SH3BGRL: variants seen among roughly 807,000 people sequenced by gnomAD.
SH3BGRL encodes the protein SH3 domain binding glutamate rich protein like.
In SH3BGRL, 7 loss-of-function variants were observed where a neutral mutation model predicts 9.8. The observed-to-expected ratio is 0.72, with a 90% CI of 0.41 to 1.35. The LOEUF (loss-of-function observed/expected upper bound fraction) is 1.35, where lower values mean the gene tolerates loss of function less well. Ranked by LOEUF, SH3BGRL falls within the 40% of genes most tolerant of loss-of-function variation. The pLI is 0.01. For synonymous variants in SH3BGRL, 36 were observed against 29.1 expected, an observed-to-expected ratio of 1.24 and a Z score of -0.76; for missense variants, 73 against 84.4, an observed-to-expected ratio of 0.86 and a Z score of 0.53.
In SH3BGRL at chrX:81,227,474, C is replaced by G. The variant is rs892000284; in HGVS notation, c.45+25229C>G. ...GGGGCCTGTCTCATCACTTGGAAAACCTTAGAGTTCAAGTCTGTGCGAAGA... is the reference window on the plus strand; with the variant it reads ...GGGGCCTGTCTCATCACTTGGAAAAGCTTAGAGTTCAAGTCTGTGCGAAGA... On this transcript the variant is annotated intron_variant, in intron 1 of 3. Coordinates refer to ENST00000373212, the MANE Select transcript of SH3BGRL (RefSeq NM_003022.3). Among the ~76,000 whole-genome samples, 9 of 111,653 alleles carry G rather than the reference C, an allele frequency of 8.1e-5. 1 individual carries two copies. Among genetic ancestry groups the G allele is most frequent in the Non-Finnish European group, 1.7e-4 (9 of 53,168 alleles).
intron 1 of SH3BGRL, among the ~76,000 whole-genome samples, chrX:81,276,221 T>C (rs184713213): frequency 3.6e-5 from 4 of 109,980 alleles, no homozygotes; most frequent in African/African-American, 1.3e-4. Context: ...CAAAGCTCTC[T>C]TCTAGCTATG....
chrX:81,263,122 A>C (rs1419638170), intron 1 of SH3BGRL, among the ~76,000 whole-genome samples: 4 of 111,440 alleles, frequency 3.6e-5, no homozygotes, highest in Non-Finnish European at 5.7e-5. Context: ...TTAGAATGGC[A>C]TCAGTGGAGA....
intron 3 of SH3BGRL, among the ~76,000 whole-genome samples, chrX:81,286,584 G>T (rs1219208820): frequency 9.3e-6 from 1 of 107,640 alleles, no homozygotes; most frequent in Non-Finnish European, 1.9e-5. Context: ...ACTGAGATAG[G>T]CACCTCAGGT....
At chrX:81,245,122 T>C (rs992475925) in intron 1 of SH3BGRL, among the ~76,000 whole-genome samples, 4 of 112,179 alleles carry the variant, frequency 3.6e-5, no homozygotes, top group African/African-American at 9.7e-5. Flanking sequence ...TTACAGTGAT[T>C]AAAGCATCAA....
intron 1 of SH3BGRL, among the ~76,000 whole-genome samples, chrX:81,232,575 C>T (rs2075636099): frequency 9.0e-6 from 1 of 110,685 alleles, no homozygotes; most frequent in Non-Finnish European, 1.9e-5. Flanking sequence ...CATGCCTATC[C>T]TGCTCTCCTT....
intron 1 of SH3BGRL, among the ~76,000 whole-genome samples, chrX:81,260,999 G>A (rs189258782): frequency 2.9e-5 from 3 of 105,220 alleles, no homozygotes; most frequent in African/African-American, 9.8e-5. Flanking sequence ...CAAAATCACA[G>A]ACTGGTAAGT....
intron 1 of SH3BGRL, among the ~76,000 whole-genome samples, chrX:81,215,860 G>A (rs140977995): frequency 1.7e-4 from 19 of 111,359 alleles, no homozygotes; most frequent in African/African-American, 4.9e-4. Context: ...TTTTTATACC[G>A]GAACATTCCA....
chrX:81,255,292 G>T (rs187889514), intron 1 of SH3BGRL, among the ~76,000 whole-genome samples: 14 of 111,689 alleles, frequency 1.3e-4, no homozygotes, highest in African/African-American at 3.6e-4. Flanking sequence ...GTTTTGAAAT[G>T]GGTGGCTATG....
chrX:81,255,853 C>T (rs761089315), intron 1 of SH3BGRL, among the ~76,000 whole-genome samples: 17 of 111,990 alleles, frequency 1.5e-4, no homozygotes, highest in African/African-American at 3.9e-4. Flanking sequence ...AACAAAGAGA[C>T]GTTTTACTGG....
intron 1 of SH3BGRL, among the ~76,000 whole-genome samples, chrX:81,265,038 C>T (rs1436303643): frequency 9.5e-6 from 1 of 104,871 alleles, no homozygotes; most frequent in Non-Finnish European, 1.9e-5. Flanking sequence ...ACTGTTAACA[C>T]CTGAAGACAT....
chrX:81,272,429 A>T (rs2075783608), intron 1 of SH3BGRL, among the ~76,000 whole-genome samples: 1 of 110,313 alleles, frequency 9.1e-6, no homozygotes, highest in African/African-American at 3.3e-5. Flanking sequence ...TTCACTCCTC[A>T]TCCACTCCAC....
intron 1 of SH3BGRL, among the ~76,000 whole-genome samples, chrX:81,273,901 T>A (rs906319463): frequency 7.2e-5 from 8 of 111,515 alleles, no homozygotes; most frequent in Non-Finnish European, 1.5e-4. Context: ...TTAATGTACC[T>A]GCTCTGTGTC....
intron 3 of SH3BGRL, among the ~76,000 whole-genome samples, chrX:81,293,065 A>G (rs1013044788): frequency 5.4e-5 from 6 of 112,077 alleles, no homozygotes; most frequent in Middle Eastern, 4.6e-3. Flanking sequence ...GTTGTGGGAG[A>G]GACTCAGTGG....
At chrX:81,257,554 T>C (rs947864495) in intron 1 of SH3BGRL, among the ~76,000 whole-genome samples, 3 of 112,209 alleles carry the variant, frequency 2.7e-5, no homozygotes, top group Non-Finnish European at 5.6e-5. Context: ...TTCAAGCTCA[T>C]ATGAATGTTG....
intron 1 of SH3BGRL, among the ~76,000 whole-genome samples, chrX:81,239,361 C>T (rs1384525629): frequency 8.9e-6 from 1 of 111,913 alleles, no homozygotes; most frequent in Non-Finnish European, 1.9e-5. Flanking sequence ...AACAGAAATT[C>T]TGGAGCAGAA....
chrX:81,226,508 C>A (rs867408376), intron 1 of SH3BGRL, among the ~76,000 whole-genome samples: 116 of 96,353 alleles, frequency 1.2e-3, no homozygotes, highest in Middle Eastern at 5.5e-3. Flanking sequence ...ATATATATAT[C>A]TATATATATA....
chrX:81,274,026 A>C (rs568209351), intron 1 of SH3BGRL, among the ~76,000 whole-genome samples: 41 of 111,772 alleles, frequency 3.7e-4, no homozygotes, highest in African/African-American at 1.3e-3. Context: ...TATTTATTTA[A>C]ATTCCTGGAC....
chrX:81,248,605 G>C (rs1162659832), intron 1 of SH3BGRL, among the ~76,000 whole-genome samples: 1 of 112,606 alleles, frequency 8.9e-6, no homozygotes, highest in Non-Finnish European at 1.9e-5. Flanking sequence ...CTCCAGAACA[G>C]AATTTCCAAT....
intron 1 of SH3BGRL, among the ~76,000 whole-genome samples, chrX:81,218,517 A>G (rs990801741): frequency 2.3e-4 from 25 of 108,747 alleles, no homozygotes; most frequent in African/African-American, 8.3e-4. Context: ...TTCACTGGAT[A>G]CAAAATTCTT....
Sources: allele counts gnomAD v4.1 joint callset (sites outside exome capture counted in the v4.1 genomes callset), GRCh38; gene constraint gnomAD v4.1.1; transcripts MANE v1.5; gene names NCBI Gene and HGNC (gene_info 2026-07-23, HGNC 2026-07-21).